NCALD: variants seen among roughly 807,000 people sequenced by gnomAD.
NCALD encodes the protein neurocalcin delta, also known as neurocalcin-delta.
In NCALD, 10 loss-of-function variants were observed where a neutral mutation model predicts 18.6. That is an observed-to-expected ratio of 0.54 (90% CI 0.33 to 0.91). The LOEUF (loss-of-function observed/expected upper bound fraction) is 0.91. Ranked by LOEUF, NCALD falls within the 40% of genes least tolerant of loss-of-function variation. NCALD has a pLI of 0.03. For synonymous variants in NCALD, 88 were observed against 87.4 expected (o/e 1.01, Z -0.04); for missense variants, 184 against 247.6 (o/e 0.74, Z 1.72).
intron 3 of NCALD, among the ~76,000 whole-genome samples, chr8:101,892,607 C>A (rs1264947): frequency 0.36 from 53,060 of 145,602 alleles, 13,765 homozygotes; most frequent in African/African-American, 0.68. Flanking sequence ...AGAAGTTGAA[C>A]ACTTTGAAAA....
chr8:101,775,478 G>T (rs1811754992), intron 1 of NCALD, among the ~76,000 whole-genome samples: 1 of 152,206 alleles, frequency 6.6e-6, no homozygotes, highest in African/African-American at 2.4e-5. Context: ...CACCTCTGTA[G>T]ATTCTGATTC....
rs555440211 is a variant in NCALD at position 102,056,608 on chromosome 8, C to G, written c.-209-36319G>C. Among the ~76,000 whole-genome samples the G allele has an allele frequency of 2.6e-5, 4 of 152,394 alleles. No homozygotes were observed. In the South Asian group the frequency reaches 8.3e-4, roughly 32 times the overall value. ...TGTCCCATGGACTAGAGTCCTCCAT[C>G]TTGGCCACAGGTTTCCTGAGCTGAG... On this transcript the variant is annotated intron_variant, in intron 1 of 6. Transcript: ENST00000311028.
chr8:101,918,586 C>A (rs570599668), intron 2 of NCALD, among the ~76,000 whole-genome samples: 267 of 152,188 alleles, frequency 1.8e-3, no homozygotes, highest in Non-Finnish European at 2.3e-3. Flanking sequence ...ACCTAGAAAA[C>A]CCTAAAGACT....
intron 3 of NCALD, among the ~76,000 whole-genome samples, chr8:101,893,154 C>T (rs1204537629): frequency 2.6e-5 from 4 of 151,886 alleles, no homozygotes; most frequent in African/African-American, 9.7e-5. Flanking sequence ...ATCAGACTAA[C>T]AGCGGATCTC....
intron 2 of NCALD, among the ~76,000 whole-genome samples, chr8:101,710,404 A>G (rs1005252499): frequency 2.0e-5 from 3 of 152,162 alleles, no homozygotes; most frequent in Admixed American, 2.0e-4. Context: ...CTGGAACACC[A>G]GCGAGGCAGA....
chr8:102,045,330 T>G (rs140686290), intron 1 of NCALD, among the ~76,000 whole-genome samples: 1 of 152,214 alleles, frequency 6.6e-6, no homozygotes, highest in Non-Finnish European at 1.5e-5. Flanking sequence ...CCTTGGGAAC[T>G]GCACTTTAAC....
At chr8:102,033,386 T>A (rs1199511027) in intron 1 of NCALD, among the ~76,000 whole-genome samples, 1 of 152,192 alleles carries the variant, frequency 6.6e-6, no homozygotes, top group Non-Finnish European at 1.5e-5. Context: ...GAGAGTGGTA[T>A]TCCTCCCATA....
chr8:102,052,803 A>G (rs1563576621), intron 1 of NCALD, among the ~76,000 whole-genome samples: 2 of 152,286 alleles, frequency 1.3e-5, no homozygotes, highest in African/African-American at 2.4e-5. Context: ...ACAGCCACAG[A>G]GAAGACACAA....
intron 1 of NCALD, among the ~76,000 whole-genome samples, chr8:102,041,198 G>A (rs1294053446): frequency 6.6e-6 from 1 of 152,020 alleles, no homozygotes; most frequent in Non-Finnish European, 1.5e-5. Context: ...CAGCCTTTGT[G>A]CCACATAGTG....
intron 1 of NCALD, among the ~76,000 whole-genome samples, chr8:102,092,260 CA>C (rs1824949228): frequency 6.6e-6 from 1 of 152,242 alleles, no homozygotes; most frequent in Admixed American, 6.5e-5. Flanking sequence ...CAAAGGGAGG[CA>C]TGAATGATCC....
At chr8:102,082,918 A>G (rs918926420) in intron 1 of NCALD, among the ~76,000 whole-genome samples, 1 of 152,276 alleles carries the variant, frequency 6.6e-6, no homozygotes, top group African/African-American at 2.4e-5. Flanking sequence ...ATAATTTGCC[A>G]GTCCACGGGT....
At chr8:101,699,913 T>C (rs925397438) in intron 2 of NCALD, among the ~76,000 whole-genome samples, 1 of 152,090 alleles carries the variant, frequency 6.6e-6, no homozygotes, top group African/African-American at 2.4e-5. Flanking sequence ...GAACCTAAAG[T>C]AAAATTTTAA....
rs1026422698 is a variant in NCALD, at chr8:101,689,468, C to T, written c.485-62G>A. 2 of 1,312,008 alleles carry T rather than the reference C, an allele frequency of 1.5e-6. No homozygotes were observed. Among genetic ancestry groups the T allele is most frequent in the East Asian group, 2.5e-5 (1 of 39,922 alleles). The allele number at this position is 1,312,008 out of a possible 1,614,324, so 81.3% of individuals were successfully genotyped here. On this transcript the variant is annotated intron_variant, in intron 3 of 3. Coordinates refer to ENST00000220931, the MANE Select transcript of NCALD (RefSeq NM_032041.3). This position sits in a 1 kb window ranked among gnomAD's most constrained non-coding sequence, Gnocchi z 4.4. The stretch of plus-strand genomic sequence containing the variant: ...GCAGCTGCATGAGCTTACACCCTTC[C>T]CACTACTGCGTGCTGGGCAGTGTCG...
chr8:101,905,696 C>T (rs1817589717), intron 3 of NCALD, among the ~76,000 whole-genome samples: 2 of 152,214 alleles, frequency 1.3e-5, no homozygotes, highest in Admixed American at 1.3e-4. Flanking sequence ...AAGGAAGCTT[C>T]TGACTGGCTA....
intron 1 of NCALD, among the ~76,000 whole-genome samples, chr8:101,786,436 A>T (rs181216123): frequency 6.6e-6 from 1 of 152,252 alleles, no homozygotes; most frequent in African/African-American, 2.4e-5. Flanking sequence ...CCATGATAAG[A>T]TGTGGGAAGG....
intron 2 of NCALD, among the ~76,000 whole-genome samples, chr8:101,713,467 T>TA (rs761184479): frequency 2.3e-4 from 32 of 138,164 alleles, no homozygotes; most frequent in Non-Finnish European, 4.2e-4. Context: ...AAAAAAACCA[T>TA]AAAAAAATCA....
rs1814598306 is a variant in NCALD, at chr8:101,689,244, T to C, written c.*65A>G. Reference sequence around the variant, plus strand: ...ATTGTTTGGCAAAAAAAAAAAAAAATTGTTAAAAAGAAGAATCAAAAGGGA... The same window carrying C: ...ATTGTTTGGCAAAAAAAAAAAAAAACTGTTAAAAAGAAGAATCAAAAGGGA... On this transcript the variant is annotated 3_prime_UTR_variant, in exon 4 of 4. Coordinates refer to ENST00000220931, the MANE Select transcript of NCALD (RefSeq NM_032041.3). The surrounding 1 kb of genome is among the most constrained non-coding windows in gnomAD (Gnocchi z 4.4). The C allele has an allele frequency of 5.0e-6, 7 of 1,412,380 alleles. No homozygotes were observed. In the East Asian group the frequency reaches 7.3e-5, roughly 15 times the overall value. 87.5% of individuals were successfully genotyped at this position (1,412,380 alleles called of 1,614,324 possible).
At chr8:102,019,729 G>A (rs762306951) in intron 2 of NCALD, among the ~76,000 whole-genome samples, 15 of 152,096 alleles carry the variant, frequency 9.9e-5, no homozygotes, top group South Asian at 2.1e-4. Flanking sequence ...ACATCATTAC[G>A]AAGTTGGTTT....
intron 3 of NCALD, among the ~76,000 whole-genome samples, chr8:101,890,331 C>A (rs1272836189): frequency 6.6e-6 from 1 of 152,004 alleles, no homozygotes; most frequent in African/African-American, 2.4e-5. Context: ...TTGATATAAC[C>A]ACTTGGAACA....
Sources: gnomAD v4.1 joint callset for allele counts (sites outside exome capture counted in the v4.1 genomes callset) on GRCh38, gnomAD v4.1.1 for gene constraint, Gnocchi (gnomAD v3.1) non-coding constraint, MANE v1.5 for transcripts, NCBI Gene and HGNC (gene_info 2026-07-23, HGNC 2026-07-21) for gene names.